Variants in LRFN5 observed in about 807,000 individuals in gnomAD.
LRFN5 encodes the protein leucine-rich repeat and fibronectin type-III domain-containing protein 5.
In LRFN5, 24 loss-of-function variants were observed where a neutral mutation model predicts 45.6. That is an observed-to-expected ratio of 0.53 (90% CI 0.38 to 0.74). The LOEUF is 0.74. Among genes scored for constraint, LRFN5 ranks in the 30% least tolerant of loss-of-function variants. The pLI is 0.00. For missense variants in LRFN5, 776 were observed against 861.5 expected (o/e 0.90, Z 1.24); for synonymous variants, 340 against 313.8 (o/e 1.08, Z -0.88).
chr14:41,610,159 G>T (rs1887689210), intron 1 of LRFN5: 1 of 152,710 alleles, frequency 6.5e-6, no homozygotes, highest in Non-Finnish European at 1.5e-5. Flanking sequence ...CATCGTGGCC[G>T]AGGCGGCCGC....
chr14:41,886,417 T>G (rs1232777356), intron 2 of LRFN5, among the ~76,000 whole-genome samples, 189 bp from the exon 3 acceptor site: 1 of 152,196 alleles, frequency 6.6e-6, no homozygotes, highest in Non-Finnish European at 1.5e-5. Flanking sequence ...CATGAAACTA[T>G]CAATGGTATG....
At chr14:41,718,003 A>G (rs1455151320) in intron 1 of LRFN5, among the ~76,000 whole-genome samples, 5 of 152,086 alleles carry the variant, frequency 3.3e-5, no homozygotes, top group Non-Finnish European at 5.9e-5. Flanking sequence ...TGAAGCTAAG[A>G]ACCTATGGAG....
At chr14:41,886,543 A>T in intron 2 of LRFN5, 63 bp from the exon 3 acceptor site, 1 of 1,037,464 alleles carries the variant, frequency 9.6e-7, no homozygotes, top group Non-Finnish European at 1.4e-6. Context: ...TTATTCTAGT[A>T]GGAATATGAA....
intron 2 of LRFN5, among the ~76,000 whole-genome samples, chr14:41,820,805 A>G (rs192719013): frequency 2.7e-4 from 41 of 151,892 alleles, no homozygotes; most frequent in Non-Finnish European, 4.4e-4. Context: ...CAAGCATTTT[A>G]TAGTTTTAAT....
intron 1 of LRFN5, among the ~76,000 whole-genome samples, chr14:41,669,362 A>G (rs1011543541): frequency 6.6e-6 from 1 of 152,064 alleles, no homozygotes; most frequent in African/African-American, 2.4e-5. Flanking sequence ...GGAAAATATG[A>G]CTAAGATTTT....
chr14:41,723,782 C>G (rs1309522202), intron 1 of LRFN5, among the ~76,000 whole-genome samples: 1 of 152,094 alleles, frequency 6.6e-6, no homozygotes, highest in African/African-American at 2.4e-5. Flanking sequence ...AGTGTGAAGG[C>G]CCCTACCCTA....
At chr14:41,717,407 T>C (rs1276564163) in intron 1 of LRFN5, among the ~76,000 whole-genome samples, 1 of 152,226 alleles carries the variant, frequency 6.6e-6, no homozygotes, top group Non-Finnish European at 1.5e-5. Flanking sequence ...ATTTTTTCTA[T>C]GTCTTGCTAG....
chr14:41,843,131 G>T (rs1425193737), intron 2 of LRFN5, among the ~76,000 whole-genome samples: 2 of 147,088 alleles, frequency 1.4e-5, no homozygotes, highest in African/African-American at 5.0e-5. Context: ...TGTCTCCCAG[G>T]ATGGAGTGTA....
intron 1 of LRFN5, among the ~76,000 whole-genome samples, chr14:41,740,245 A>C (rs901570439): frequency 3.3e-5 from 5 of 152,034 alleles, no homozygotes; most frequent in Admixed American, 2.0e-4. Context: ...CTACAAGAAA[A>C]GAAAACAACA....
At chr14:41,885,401 A>G (rs1890533464) in intron 2 of LRFN5, among the ~76,000 whole-genome samples, 1 of 151,990 alleles carries the variant, frequency 6.6e-6, no homozygotes, top group Admixed American at 6.6e-5. Flanking sequence ...AATATATGCT[A>G]TTATTTTTAT....
intron 1 of LRFN5, among the ~76,000 whole-genome samples, chr14:41,707,496 A>G (rs1197523032): frequency 6.6e-6 from 1 of 152,142 alleles, no homozygotes; most frequent in African/African-American, 2.4e-5. Flanking sequence ...TTTTGTCTGT[A>G]TGGCTATTAA....
At chr14:41,892,006 C>T (rs748512088) in intron 4 of LRFN5, 44 bp downstream of exon 4, 4 of 1,590,096 alleles carry the variant, frequency 2.5e-6, no homozygotes, top group Non-Finnish European at 3.4e-6. Flanking sequence ...GAGCAAGGCA[C>T]AAGTACTCCC....
intron 1 of LRFN5, among the ~76,000 whole-genome samples, chr14:41,660,415 T>C (rs1880593016): frequency 6.6e-6 from 1 of 152,072 alleles, no homozygotes; most frequent in Non-Finnish European, 1.5e-5. Flanking sequence ...CAAACAGTAG[T>C]TATGCGATGG....
intron 1 of LRFN5, among the ~76,000 whole-genome samples, chr14:41,659,489 G>A (rs377184016): frequency 6.6e-6 from 1 of 152,072 alleles, no homozygotes; most frequent in East Asian, 1.9e-4. Context: ...ATTTGCTATT[G>A]TGAATAGTGC....
intron 2 of LRFN5, among the ~76,000 whole-genome samples, chr14:41,872,209 T>C (rs1890042590): frequency 6.6e-6 from 1 of 152,224 alleles, no homozygotes; most frequent in South Asian, 2.1e-4. Context: ...ACTTCTCAAT[T>C]AGTAGATAAC....
At chr14:41,862,863 T>C (rs1414086214) in intron 2 of LRFN5, among the ~76,000 whole-genome samples, 25 of 24,468 alleles carry the variant, frequency 1.0e-3, no homozygotes, top group African/African-American at 2.1e-3. Flanking sequence ...AAGTCTCTCT[T>C]TTTTTTTTTT....
At chr14:41,738,011 G>T (rs1385478458) in intron 1 of LRFN5, among the ~76,000 whole-genome samples, 1 of 152,078 alleles carries the variant, frequency 6.6e-6, no homozygotes, top group African/African-American at 2.4e-5. Context: ...ATTTCATGTG[G>T]AACCAAAAAA....
intron 1 of LRFN5, among the ~76,000 whole-genome samples, chr14:41,730,862 C>T (rs1215275740): frequency 6.6e-6 from 1 of 151,768 alleles, no homozygotes; most frequent in Non-Finnish European, 1.5e-5. Flanking sequence ...AGTTGCCTTT[C>T]CTTTCTCCGA....
intron 1 of LRFN5, among the ~76,000 whole-genome samples, chr14:41,622,863 CT>C (rs1888183785): frequency 6.6e-6 from 1 of 152,060 alleles, no homozygotes; most frequent in South Asian, 2.1e-4. Context: ...AAGTCATACT[CT>C]TTTTTGATAG....
Sources: gnomAD v4.1 joint callset for allele counts (sites outside exome capture counted in the v4.1 genomes callset) on GRCh38, gnomAD v4.1.1 for gene constraint, MANE v1.5 for transcripts, NCBI Gene and HGNC (gene_info 2026-07-23, HGNC 2026-07-21) for gene names.